The following NTN5 variants were observed in gnomAD, a reference collection of about 807,000 sequenced individuals.
The protein encoded by NTN5 is netrin 5.
NTN5 carries 42 observed loss-of-function variants against 38.7 expected under a neutral mutation model. That is an observed-to-expected ratio of 1.08 (90% CI 0.85 to 1.40). The LOEUF (loss-of-function observed/expected upper bound fraction) is 1.40, where lower values mean the gene tolerates loss of function less well. Ranked by LOEUF, NTN5 falls within the 40% of genes most tolerant of loss-of-function variation. NTN5 has a pLI of 0.00. For missense variants in NTN5, 658 were observed against 716.5 expected, an observed-to-expected ratio of 0.92 and a Z score of 0.93; for synonymous variants, 329 against 303.9, an observed-to-expected ratio of 1.08 and a Z score of -0.86.
intron 3 of NTN5, 107 bp from the exon 4 acceptor site, chr19:48,664,399 C>G: frequency 4.8e-6 from 7 of 1,443,394 alleles, no homozygotes; most frequent in Non-Finnish European, 6.5e-6. Flanking sequence ...CCCCCAGCCC[C>G]TCTTCCCTCA....
intron 2 of NTN5, among the ~76,000 whole-genome samples, chr19:48,669,585 CGACCACCAT>C (rs1568452286): frequency 3.4e-3 from 17 of 4,940 alleles, no homozygotes; most frequent in East Asian, 0.01. Flanking sequence ...ATCACCACCA[CGACCACCAT>C]CACCACCACC....
intron 2 of NTN5, among the ~76,000 whole-genome samples, chr19:48,666,480 G>A (rs2031706452): frequency 6.6e-6 from 1 of 151,864 alleles, no homozygotes; most frequent in African/African-American, 2.4e-5. Flanking sequence ...AGGCTGCAGT[G>A]AGTTATGATT....
intron 2 of NTN5, among the ~76,000 whole-genome samples, chr19:48,668,666 G>A (rs2031767014): frequency 1.3e-5 from 2 of 152,202 alleles, no homozygotes; most frequent in African/African-American, 4.8e-5. Flanking sequence ...GCCACACGCA[G>A]CCACTGTGTG....
Position 48,670,245 on chromosome 19 carries a change from G to A in NTN5, c.631+111C>T, listed in dbSNP as rs1225253236. 5 of 1,175,838 alleles carry A rather than the reference G, an allele frequency of 4.3e-6. No homozygotes were observed. In the East Asian group the frequency reaches 1.5e-4, roughly 36 times the overall value. 72.8% of individuals were successfully genotyped at this position (1,175,838 alleles called of 1,614,324 possible). On this transcript the variant is annotated intron_variant, in intron 2 of 6. Transcript: ENST00000270235. ...GACCGAGTCTGAGACTGGGGTGAGA[G>A]GCAAGGAGCACCCAGTTCCAGCGAG...
chr19:48,669,578 AC>A (rs1187716743), intron 2 of NTN5, among the ~76,000 whole-genome samples: 1 of 41,748 alleles, frequency 2.4e-5, no homozygotes. Context: ...CACCACCATC[AC>A]CACCACGACC....
Position 48,661,876 on chromosome 19 carries a change from T to TGCAGGCGCAG in NTN5, c.1261_1270dup (p.Gln424ProfsTer90). On this transcript the variant is annotated frameshift_variant, in exon 7 of 7. Transcript: ENST00000270235. LOFTEE classifies it low-confidence loss of function (END_TRUNC). ...CAGCAGCAGGTAGTCGGTGCCTGGC[T>TGCAGGCGCAG]GCAGGCGCAGGCAGCCGCAGGTCAG... is the stretch of plus-strand genomic sequence containing the variant. 3 of 1,345,882 alleles carry TGCAGGCGCAG rather than the reference T, an allele frequency of 2.2e-6. No individual in the cohort carries two copies. Among genetic ancestry groups the TGCAGGCGCAG allele is most frequent in the South Asian group, 1.6e-5 (1 of 63,330 alleles). 83.4% of individuals were successfully genotyped at this position (1,345,882 alleles called of 1,614,324 possible). A position where few individuals can be genotyped will look rare whatever the true frequency, so the allele number is the denominator to read the frequency against.
Position 48,667,051 on chromosome 19 carries a change from C to A in NTN5, c.632-2284G>T, listed in dbSNP as rs193289002. On this transcript the variant is annotated intron_variant, in intron 2 of 6. Coordinates refer to ENST00000270235, the MANE Select transcript of NTN5 (RefSeq NM_145807.4). ...CATGTTCTTGGAAAAACAACTCCCC[C>A]TCTCCCAGCCTCTGTTTTCTCCCTG... Among the ~76,000 whole-genome samples, 130 of 152,236 alleles carry A rather than the reference C, an allele frequency of 8.5e-4. 2 individuals carry two copies. The highest frequency in any genetic ancestry group is 8.5e-3 in the Admixed American group (130 of 15,276).
intron 2 of NTN5, among the ~76,000 whole-genome samples, chr19:48,669,824 A>AT (rs2031881940): frequency 7.7e-6 from 1 of 129,392 alleles, no homozygotes; most frequent in African/African-American, 2.9e-5. Flanking sequence ...CATCACCACC[A>AT]CCACCATCAC....
intron 3 of NTN5, 73 bp downstream of exon 3, chr19:48,664,505 GC>G: frequency 7.8e-7 from 1 of 1,289,772 alleles, no homozygotes; most frequent in Non-Finnish European, 1.0e-6. Context: ...CAGGCCCCCA[GC>G]CCCTCCTCCC....
intron 2 of NTN5, among the ~76,000 whole-genome samples, 194 bp from the exon 3 acceptor site, chr19:48,664,961 G>A (rs1399136515): frequency 6.6e-6 from 1 of 151,936 alleles, no homozygotes; most frequent in Admixed American, 6.5e-5. Context: ...CACCCAGGCT[G>A]GAGTGCAGTG....
chr19:48,664,510 T>A (rs546925909), intron 3 of NTN5, 69 bp downstream of exon 3: 138 of 1,173,656 alleles, frequency 1.2e-4, no homozygotes, highest in Non-Finnish European at 1.5e-4. Context: ...CCCCAGCCCC[T>A]CCTCCCTCAG....
At chr19:48,671,345 G>T (rs2031958106) in intron 1 of NTN5, among the ~76,000 whole-genome samples, 1 of 151,496 alleles carries the variant, frequency 6.6e-6, no homozygotes, top group African/African-American at 2.4e-5. Context: ...ACCTAGAGAG[G>T]GACACAGAGA....
intron 2 of NTN5, among the ~76,000 whole-genome samples, chr19:48,665,753 A>G (rs1459924575): frequency 6.6e-6 from 1 of 151,196 alleles, no homozygotes; most frequent in Non-Finnish European, 1.5e-5. Context: ...CAGGAGGTGG[A>G]GGTTGCAGTG....
intron 2 of NTN5, among the ~76,000 whole-genome samples, chr19:48,666,235 T>C (rs2031700933): frequency 6.6e-6 from 1 of 152,188 alleles, no homozygotes; most frequent in Non-Finnish European, 1.5e-5. Context: ...AGCTCTTAGC[T>C]CACTCCAGTA....
intron 1 of NTN5, among the ~76,000 whole-genome samples, chr19:48,672,484 G>T (rs1439791594): frequency 2.6e-5 from 4 of 152,270 alleles, no homozygotes; most frequent in African/African-American, 9.6e-5. Flanking sequence ...TGTCCCCACT[G>T]CTGTTGGCCA....
intron 3 of NTN5, 42 bp downstream of exon 3, chr19:48,664,537 C>T: frequency 4.6e-6 from 7 of 1,532,794 alleles, no homozygotes; most frequent in Non-Finnish European, 6.1e-6. Context: ...GAGTCCAGCC[C>T]TACCTCTGCT....
Position 48,662,016 on chromosome 19 carries a change from G to A in NTN5, c.1131C>T (p.Ser377=), listed in dbSNP as rs539269615. The A allele has an allele frequency of 1.9e-5, 28 of 1,485,804 alleles. No homozygotes were observed. In the African/African-American group the frequency reaches 3.2e-4, roughly 17 times the overall value. 92.0% of individuals were successfully genotyped at this position (1,485,804 alleles called of 1,614,324 possible). A position where few individuals can be genotyped will look rare whatever the true frequency, so the allele number is the denominator to read the frequency against. ...DHVLRAQVLA[S]EAAGPAWQRL... is the part of the protein sequence containing the mutation. Reference sequence around the variant, plus strand: ...GCTGCCATGCCGGGCCCGCCGCCTCGGACGCTAGCACCTGCGCGCGGAGAA... The same window carrying A: ...GCTGCCATGCCGGGCCCGCCGCCTCAGACGCTAGCACCTGCGCGCGGAGAA... The change falls in exon 7 of 7, where the codon TCC becomes TCT. Residue 377 remains serine (S), a synonymous_variant. Transcript: ENST00000270235.
rs1442420798 is a variant in NTN5, at chr19:48,662,034, G to A, written c.1113C>T (p.Arg371=). The A allele has an allele frequency of 4.7e-6, 7 of 1,478,420 alleles. No homozygotes were observed. The South Asian group carries it at 7.6e-5, about 16-fold the overall frequency. The allele number at this position is 1,478,420 out of a possible 1,614,324, so 91.6% of individuals were successfully genotyped here. The change falls in exon 7 of 7, where the codon CGC becomes CGT. Residue 371 remains arginine, a synonymous_variant. Transcript: ENST00000270235. ...RRYCQQDHVL[R]AQVLASEAAG... is the part of the protein sequence containing the mutation. ...CCGCCTCGGACGCTAGCACCTGCGCGCGGAGAACTGTGGGGAGGGGAGATG... is the reference window on the plus strand; with the variant it reads ...CCGCCTCGGACGCTAGCACCTGCGCACGGAGAACTGTGGGGAGGGGAGATG...
intron 2 of NTN5, among the ~76,000 whole-genome samples, chr19:48,666,065 T>C (rs1329252294): frequency 1.3e-5 from 2 of 152,242 alleles, no homozygotes; most frequent in Non-Finnish European, 2.9e-5. Context: ...CAGGACACCC[T>C]GCACTGTGTT....
Sources: gnomAD v4.1 joint callset for allele counts (sites outside exome capture counted in the v4.1 genomes callset) on GRCh38, gnomAD v4.1.1 for gene constraint, MANE v1.5 for transcripts, NCBI Gene and HGNC (gene_info 2026-07-23, HGNC 2026-07-21) for gene names.